The following PTGIR variants were observed in gnomAD, a reference collection of about 807,000 sequenced individuals.
PTGIR encodes the protein prostacyclin receptor.
Under a neutral mutation model 17.6 loss-of-function variants are expected in PTGIR, and 16 were observed. That is an observed-to-expected ratio of 0.91 (90% confidence interval 0.61 to 1.38). The LOEUF is 1.38. PTGIR is among the 40% of genes most tolerant of loss of function. PTGIR has a pLI of 0.00. For synonymous variants in PTGIR, 274 were observed against 255.4 expected (o/e 1.07, Z -0.69); for missense variants, 532 against 548.6 (o/e 0.97, Z 0.30).
rs1290926705 is a variant in PTGIR at position 46,625,084 on chromosome 19, C to G, written c.-100G>C. On this transcript the variant is annotated 5_prime_UTR_variant, in exon 1 of 3. Coordinates refer to ENST00000291294, the MANE Select transcript of PTGIR (RefSeq NM_000960.4). This position sits in a 1 kb window ranked among gnomAD's most constrained non-coding sequence, Gnocchi z 4.9. ...CGTGTCTCTCGCTGCCTGTGTCGGT[C>G]TGTGTGTCAGCTTCTCCTTCCCTCC... 1.3e-5 allele frequency: 2 copies of G among 153,938 alleles called. No homozygotes were observed. The highest frequency in any genetic ancestry group is 2.4e-5 in the African/African-American group (1 of 41,384). 9.5% of individuals were successfully genotyped at this position (153,938 alleles called of 1,614,324 possible). A position where few individuals can be genotyped will look rare whatever the true frequency, so the allele number is the denominator to read the frequency against.
downstream of PTGIR, among the ~76,000 whole-genome samples, chr19:46,619,588 A>G (rs1568675716): frequency 1.2e-4 from 16 of 134,234 alleles, no homozygotes; most frequent in African/African-American, 4.1e-4. Context: ...AGAGAGAAAG[A>G]AAGAAAAGAA....
Position 46,621,444 on chromosome 19 carries a change from G to T in PTGIR, c.997C>A (p.Pro333Thr). 6.2e-7 allele frequency: 1 copy of T among 1,613,758 alleles called. No individual in the cohort carries two copies. The highest frequency in any genetic ancestry group is 8.5e-7 in the Non-Finnish European group (1 of 1,179,722). The change falls in exon 3 of 3, where the codon CCA becomes ACA. Residue 333 changes from proline (P) to threonine (T), a missense_variant. Transcript: ENST00000291294. This position sits in a 1 kb window ranked among gnomAD's most constrained non-coding sequence, Gnocchi z 4.8. Reference sequence around the variant, plus strand: ...CCCACAGGAGCAGAGGGGGCCCTTGGGTCCCTCCTCCCTGAGGCGAGCTGG... The same window carrying T: ...CCCACAGGAGCAGAGGGGGCCCTTGTGTCCCTCCTCCCTGAGGCGAGCTGG... Reference protein sequence around the residue: ...LSQLASGRRDPRAPSAPVGKE... With the variant: ...LSQLASGRRDTRAPSAPVGKE...
chr19:46,624,318 C>G (rs2052776907), intron 1 of PTGIR, 81 bp from the exon 2 acceptor site: 1 of 1,342,170 alleles, frequency 7.5e-7, no homozygotes, highest in African/African-American at 1.5e-5. Flanking sequence ...CCCTGCTGGC[C>G]AGTCCTTTTG....
chr19:46,613,738 G>A, the PTGIR span, among the ~76,000 whole-genome samples: 2 of 152,160 alleles, frequency 1.3e-5, no homozygotes, highest in South Asian at 4.1e-4. Flanking sequence ...CAGGCTTGCC[G>A]GCAGGAGTCA....
the PTGIR span, among the ~76,000 whole-genome samples, chr19:46,612,798 T>C: frequency 1.7e-4 from 26 of 152,172 alleles, no homozygotes; most frequent in African/African-American, 5.8e-4. Context: ...GAGTCAAAGA[T>C]GGGCTGTGGT....
chr19:46,613,125 C>G, the PTGIR span, among the ~76,000 whole-genome samples: 1 of 138,208 alleles, frequency 7.2e-6, no homozygotes. Flanking sequence ...TTCACTGCAA[C>G]CTCTGCCTCC....
Position 46,621,361 on chromosome 19 carries a change from C to G in PTGIR, c.1080G>C (p.Leu360Phe), listed in dbSNP as rs1360217028. The G allele has an allele frequency of 6.4e-7, 1 of 1,560,808 alleles. No individual in the cohort carries two copies. Among genetic ancestry groups the G allele is most frequent in the East Asian group, 2.3e-5 (1 of 44,390 alleles). The change falls in exon 3 of 3, where the codon TTG (leucine) becomes TTC (phenylalanine). Residue 360 changes from leucine (L) to phenylalanine (F), a missense_variant. Transcript: ENST00000291294. The surrounding 1 kb of genome is among the most constrained non-coding windows in gnomAD (Gnocchi z 4.8). ...TGCCGCTGGACTGCTGTGTGGGAGG[C>G]AAGGGCTCCACCTGCCCCTCGCCCC... ...SAWGEGQVEPLPPTQQSSGSA... is the reference protein window; with the variant it reads ...SAWGEGQVEPFPPTQQSSGSA...
At position 46,623,686 on chromosome 19, in the gene PTGIR, G is replaced by GT. The variant is rs1429778872; in HGVS notation, c.539_540insA (p.Gly181ArgfsTer87). ...CGTAGGCCAGCGAGAAGGCGGCGCCGCCCGGCTGGGCCCAGCGCATGCGGA... is the reference window on the plus strand; with the variant it reads ...CGTAGGCCAGCGAGAAGGCGGCGCCGTCCCGGCTGGGCCCAGCGCATGCGGA... On this transcript the variant is annotated frameshift_variant, in exon 2 of 3. Coordinates refer to ENST00000291294, the MANE Select transcript of PTGIR (RefSeq NM_000960.4). LOFTEE classifies it high-confidence loss of function. The GT allele has an allele frequency of 1.3e-6, 2 of 1,552,132 alleles. No homozygotes were observed. The highest frequency in any genetic ancestry group is 3.8e-5 in the Admixed American group (2 of 52,342).
Position 46,623,572 on chromosome 19 carries a change from C to T in PTGIR, c.654G>A (p.Lys218=), listed in dbSNP as rs1231295804. 6.4e-7 allele frequency: 1 copy of T among 1,552,354 alleles called. No individual in the cohort carries two copies. Among genetic ancestry groups the T allele is most frequent in the South Asian group, 1.2e-5 (1 of 84,238 alleles). The stretch of plus-strand genomic sequence containing the variant: ...GTGGACCCAGAGAGCCCTGGTGGCG[C>T]TTCTGCTGGCGGTACATGCGGCAGA... ...LSLCRMYRQQ[K]RHQGSLGPRP... The change falls in exon 2 of 3, where the codon AAG becomes AAA. Residue 218 remains lysine (K), a synonymous_variant. Transcript: ENST00000291294.
At chr19:46,613,868 G>A in the PTGIR span, among the ~76,000 whole-genome samples, 26 of 152,248 alleles carry the variant, frequency 1.7e-4, no homozygotes, top group South Asian at 3.7e-3. Context: ...CAACGCCCAC[G>A]CCTTCTCCCA....
Position 46,621,824 on chromosome 19 carries a change from G to A in PTGIR, c.769-152C>T. 7.1e-7 allele frequency: 1 copy of A among 1,409,282 alleles called. No homozygotes were observed. Among genetic ancestry groups the A allele is most frequent in the Non-Finnish European group, 9.2e-7 (1 of 1,083,764 alleles). The allele number at this position is 1,409,282 out of a possible 1,614,324, so 87.3% of individuals were successfully genotyped here. On this transcript the variant is annotated intron_variant, in intron 2 of 2. Transcript: ENST00000291294. The surrounding 1 kb of genome is among the most constrained non-coding windows in gnomAD (Gnocchi z 4.8). The stretch of plus-strand genomic sequence containing the variant: ...TAAAGACTAAGTAACAAATGTATCT[G>A]GGGAACACAGGGAGAGAAAGCCCCA...
chr19:46,613,605 TAC>T, the PTGIR span, among the ~76,000 whole-genome samples: 1 of 152,136 alleles, frequency 6.6e-6, no homozygotes, highest in African/African-American at 2.4e-5. Context: ...GTACTAGGAT[TAC>T]AGGCGTGAGC....
downstream of PTGIR, among the ~76,000 whole-genome samples, chr19:46,618,261 G>A (rs1340048336): frequency 1.1e-4 from 17 of 152,198 alleles, no homozygotes; most frequent in South Asian, 1.2e-3. Context: ...TGATCCGCCC[G>A]CCTCGGCCTC....
chr19:46,622,257 G>A, intron 2 of PTGIR: 1 of 985,432 alleles, frequency 1.0e-6, no homozygotes, highest in Non-Finnish European at 1.2e-6. Context: ...GAGGTGCAGA[G>A]GCAAGGGTGG....
At chr19:46,613,271 G>C in the PTGIR span, among the ~76,000 whole-genome samples, 1 of 151,444 alleles carries the variant, frequency 6.6e-6, no homozygotes, top group African/African-American at 2.4e-5. Context: ...TCTAATTCCT[G>C]ACCTCAAATG....
In PTGIR at chr19:46,623,748, G is replaced by A. The variant is rs1568680488; in HGVS notation, c.478C>T (p.Gln160Ter). 1 of 1,598,976 alleles carries A rather than the reference G, an allele frequency of 6.3e-7. No individual in the cohort carries two copies. The highest frequency in any genetic ancestry group is 1.7e-5 in the Admixed American group (1 of 59,164). Reference protein sequence around the residue: ...FCALPLLGLGQHQQYCPGSWC... With the variant: ...FCALPLLGLG ...CTGCCGGGGCAGTACTGCTGGTGTT[G>A]GCCCAGGCCCAGCAGGGGCAGCGCG... The change falls in exon 2 of 3, where the codon CAA becomes TAA. Residue 160 changes from glutamine to a stop codon, truncating the protein, a stop_gained. Transcript: ENST00000291294. LOFTEE classifies it high-confidence loss of function.
rs775645646 is a variant in PTGIR, at chr19:46,623,772, C to A, written c.454G>T (p.Ala152Ser). 1.1e-5 allele frequency: 18 copies of A among 1,604,712 alleles called. No individual in the cohort carries two copies. Among genetic ancestry groups the A allele is most frequent in the Non-Finnish European group, 1.4e-5 (17 of 1,177,788 alleles). ...AIYAFCVLFC[A>S]LPLLGLGQHQ... The stretch of plus-strand genomic sequence containing the variant: ...TGGCCCAGGCCCAGCAGGGGCAGCG[C>A]GCAGAAGAGGACGCAGAAGGCGTAG... Residue 152 changes from alanine to serine, a missense_variant, in exon 2 of 3, where the codon GCG (alanine) becomes TCG (serine). Physicochemically the swap from Ala to Ser is moderately conservative, Grantham distance 99. Coordinates refer to ENST00000291294, the MANE Select transcript of PTGIR (RefSeq NM_000960.4).
At position 46,623,866 on chromosome 19, in the gene PTGIR, C is replaced by T. The variant is rs1186818411; in HGVS notation, c.360G>A (p.Ala120=). Residue 120 remains alanine, a synonymous_variant, in exon 2 of 3, where the codon GCG becomes GCA. Coordinates refer to ENST00000291294, the MANE Select transcript of PTGIR (RefSeq NM_000960.4). ...LFAMAVERCL[A]LSHPYLYAQL... is the part of the protein sequence containing the mutation. ...GCGCGTAGAGGTAGGGGTGGCTCAGCGCCAGGCAGCGCTCCACGGCCATGG... is the reference window on the plus strand; with the variant it reads ...GCGCGTAGAGGTAGGGGTGGCTCAGTGCCAGGCAGCGCTCCACGGCCATGG... The T allele has an allele frequency of 3.1e-6, 5 of 1,610,076 alleles. No individual in the cohort carries two copies. The East Asian group carries it at 8.9e-5, about 29-fold the overall frequency.
downstream of PTGIR, among the ~76,000 whole-genome samples, chr19:46,619,581 G>GAAA (rs1331912148): frequency 6.1e-3 from 531 of 86,916 alleles, 10 homozygotes; most frequent in Non-Finnish European, 8.1e-3. Context: ...GAGAGAGAGA[G>GAAA]AGAAAGAAAG....
Sources: allele counts gnomAD v4.1 joint callset (sites outside exome capture counted in the v4.1 genomes callset), GRCh38; gene constraint gnomAD v4.1.1; non-coding constraint Gnocchi (gnomAD v3.1); transcripts MANE v1.5; gene names NCBI Gene and HGNC (gene_info 2026-07-23, HGNC 2026-07-21).